The following SERPINI1 variants were observed in gnomAD, a reference collection of about 807,000 sequenced individuals.
SERPINI1 encodes the protein neuroserpin.
SERPINI1 carries 19 observed loss-of-function variants against 41.1 expected under a neutral mutation model. The observed-to-expected ratio is 0.46, with a 90% CI of 0.32 to 0.68. The LOEUF is 0.68. SERPINI1 is among the 30% of genes least tolerant of loss of function. The pLI is 0.03. For missense variants in SERPINI1, 460 were observed against 479.2 expected (o/e 0.96, Z 0.37); for synonymous variants, 138 against 156.6 (o/e 0.88, Z 0.89).
intron 6 of SERPINI1, among the ~76,000 whole-genome samples, chr3:167,813,063 GAC>G (rs1560016864): frequency 6.6e-6 from 1 of 152,166 alleles, no homozygotes; most frequent in Non-Finnish European, 1.5e-5. Flanking sequence ...GAATTAAGAA[GAC>G]ACACCAAAAG....
At chr3:167,799,318 T>A (rs1227071453) in intron 5 of SERPINI1, among the ~76,000 whole-genome samples, 2 of 152,310 alleles carry the variant, frequency 1.3e-5, no homozygotes, top group East Asian at 3.9e-4. Context: ...CTGTGTTAGT[T>A]TGCTGAGGAT....
At chr3:167,765,450 G>A (rs1030129675) in intron 1 of SERPINI1, among the ~76,000 whole-genome samples, 1 of 152,198 alleles carries the variant, frequency 6.6e-6, no homozygotes, top group Non-Finnish European at 1.5e-5. Flanking sequence ...TGGCTAGGAC[G>A]CAGTGCACCA....
chr3:167,758,081 C>T (rs892127763), intron 1 of SERPINI1, among the ~76,000 whole-genome samples: 12 of 152,146 alleles, frequency 7.9e-5, no homozygotes, highest in Admixed American at 2.0e-4. Flanking sequence ...TTCCTTTACA[C>T]GGATTCATAT....
chr3:167,791,824 G>T (rs1425501625), intron 3 of SERPINI1, among the ~76,000 whole-genome samples: 1 of 152,160 alleles, frequency 6.6e-6, no homozygotes, highest in Non-Finnish European at 1.5e-5. Context: ...CACGTACATT[G>T]TTCAAGAATA....
At chr3:167,744,870 T>C (rs1577396344) in intron 1 of SERPINI1, among the ~76,000 whole-genome samples, 3 of 134,778 alleles carry the variant, frequency 2.2e-5, no homozygotes, top group Middle Eastern at 7.3e-3. Flanking sequence ...TATATATAAA[T>C]ATATATATAT....
Position 167,818,462 on chromosome 3 carries a change from G to A in SERPINI1, c.980-4524G>A, listed in dbSNP as rs557159877. On this transcript the variant is annotated intron_variant, in intron 6 of 8. Transcript: ENST00000446050. ...ATAAAGTTAATTAACATTTACTGCA[G>A]AAAATTATACATAGTATTTTTTGTG... Among the ~76,000 whole-genome samples, 3 of 152,100 alleles carry A rather than the reference G, an allele frequency of 2.0e-5. No homozygotes were observed. The South Asian group carries it at 6.2e-4, about 32-fold the overall frequency.
intron 6 of SERPINI1, among the ~76,000 whole-genome samples, chr3:167,810,799 T>C (rs975053299): frequency 2.0e-4 from 31 of 152,196 alleles, no homozygotes; most frequent in Admixed American, 2.0e-3. Flanking sequence ...TACAACTTCT[T>C]TCAAAATTGG....
At chr3:167,819,879 G>C (rs891299333) in intron 6 of SERPINI1, among the ~76,000 whole-genome samples, 1 of 152,144 alleles carries the variant, frequency 6.6e-6, no homozygotes, top group African/African-American at 2.4e-5. Flanking sequence ...TTGAAAGAGG[G>C]GTTATAAATT....
At chr3:167,762,065 G>A (rs567295851) in intron 1 of SERPINI1, among the ~76,000 whole-genome samples, 8 of 152,034 alleles carry the variant, frequency 5.3e-5, no homozygotes, top group African/African-American at 1.7e-4. Flanking sequence ...CCTTGGTCTC[G>A]ATGAAGGACC....
intron 5 of SERPINI1, among the ~76,000 whole-genome samples, chr3:167,800,353 T>C (rs1404564180): frequency 6.6e-6 from 1 of 152,230 alleles, no homozygotes; most frequent in East Asian, 1.9e-4. Context: ...GTTAATATTA[T>C]TGTAGTTTGT....
Position 167,824,541 on chromosome 3 carries a change from C to T in SERPINI1, c.1135C>T (p.Leu379Phe). The T allele has an allele frequency of 1.9e-6, 3 of 1,612,886 alleles. No homozygotes were observed. The highest frequency in any genetic ancestry group is 1.7e-6 in the Non-Finnish European group (2 of 1,179,194). The change falls in exon 8 of 9, where the codon CTT becomes TTT. Residue 379 changes from leucine to phenylalanine, a missense_variant. Transcript: ENST00000446050. ...QVIVDHPFFFLIRNRRTGTIL... is the reference protein window; with the variant it reads ...QVIVDHPFFFFIRNRRTGTIL... ...TATTGTCGACCATCCATTTTTCTTT[C>T]TTATCAGAAACAGGAGAACTGGTAA...
At chr3:167,763,357 T>TTTTG (rs1726446166) in intron 1 of SERPINI1, among the ~76,000 whole-genome samples, 5 of 147,638 alleles carry the variant, frequency 3.4e-5, no homozygotes, top group African/African-American at 1.3e-4. Context: ...AACCACAGTT[T>TTTTG]TGTGTGTGTG....
chr3:167,777,959 C>G (rs941893990), intron 1 of SERPINI1, among the ~76,000 whole-genome samples: 1 of 152,198 alleles, frequency 6.6e-6, no homozygotes, highest in Non-Finnish European at 1.5e-5. Flanking sequence ...CCTCTCCATA[C>G]TGCCCTCTCT....
intron 4 of SERPINI1, 47 bp downstream of exon 4, chr3:167,792,831 C>G (rs199813213): frequency 6.5e-5 from 94 of 1,455,000 alleles, no homozygotes; most frequent in Admixed American, 5.4e-4. Context: ...AGAATATCAA[C>G]AGATTTCTAA....
chr3:167,761,472 A>G (rs1726379127), intron 1 of SERPINI1, among the ~76,000 whole-genome samples: 2 of 152,160 alleles, frequency 1.3e-5, no homozygotes, highest in African/African-American at 4.8e-5. Flanking sequence ...ACTAGTGAGT[A>G]ATACCTTTAT....
intron 1 of SERPINI1, among the ~76,000 whole-genome samples, chr3:167,744,519 G>C (rs1725781001): frequency 6.7e-6 from 1 of 149,266 alleles, no homozygotes; most frequent in Non-Finnish European, 1.5e-5. Context: ...AGGACAGTAA[G>C]ATTAAGAGCC....
At position 167,789,230 on chromosome 3, in the gene SERPINI1, T is replaced by C; in HGVS notation, c.102T>C (p.Tyr34=). The C allele has an allele frequency of 6.2e-7, 1 of 1,614,180 alleles. No homozygotes were observed. The highest frequency in any genetic ancestry group is 8.5e-7 in the Non-Finnish European group (1 of 1,180,018). Residue 34 remains tyrosine (Y), a synonymous_variant, in exon 2 of 9, where the codon TAT becomes TAC. Transcript: ENST00000446050. ...TTGCTGACTTGTCAGTGAATATGTA[T>C]AATCGTCTTAGAGCCACTGGTGAAG... ...EAIADLSVNM[Y]NRLRATGEDE...
At chr3:167,755,728 G>C (rs1465499867) in intron 1 of SERPINI1, among the ~76,000 whole-genome samples, 1 of 150,294 alleles carries the variant, frequency 6.7e-6, no homozygotes, top group Non-Finnish European at 1.5e-5. Flanking sequence ...TGGTACTACT[G>C]AAATAGTTTA....
chr3:167,822,387 C>A (rs1712365212), intron 6 of SERPINI1, among the ~76,000 whole-genome samples: 1 of 152,236 alleles, frequency 6.6e-6, no homozygotes, highest in Non-Finnish European at 1.5e-5. Flanking sequence ...AAAAACAGTC[C>A]TCCTAATGCT....
Sources: gnomAD v4.1 joint callset for allele counts (sites outside exome capture counted in the v4.1 genomes callset) on GRCh38, gnomAD v4.1.1 for gene constraint, MANE v1.5 for transcripts, NCBI Gene and HGNC (gene_info 2026-07-23, HGNC 2026-07-21) for gene names.